KCTD1: variants seen among roughly 807,000 people sequenced by gnomAD.
The protein encoded by KCTD1 is BTB/POZ domain-containing protein KCTD1.
KCTD1 carries 24 observed loss-of-function variants against 66.0 expected under a neutral mutation model. The observed-to-expected ratio is 0.36, with a 90% CI of 0.26 to 0.51. The LOEUF is 0.51. KCTD1 is among the 20% of genes least tolerant of loss of function. KCTD1 has a pLI of 0.95. For synonymous variants in KCTD1, 511 were observed against 517.2 expected (o/e 0.99, Z 0.16); for missense variants, 943 against 1,205.2 (o/e 0.78, Z 3.22).
intron 1 of KCTD1, among the ~76,000 whole-genome samples, chr18:26,570,400 ACTCT>A (rs968039418): frequency 4.0e-5 from 6 of 151,626 alleles, no homozygotes; most frequent in Non-Finnish European, 7.4e-5. Flanking sequence ...TATAATCCTA[ACTCT>A]CTATTACTTT....
chr18:26,608,272 T>C (rs949347243), intron 1 of KCTD1, among the ~76,000 whole-genome samples: 1 of 152,240 alleles, frequency 6.6e-6, no homozygotes, highest in Non-Finnish European at 1.5e-5. Context: ...TTGTCTTACC[T>C]GCTTCACTAA....
chr18:26,564,193 A>T (rs1160025768), intron 1 of KCTD1, among the ~76,000 whole-genome samples: 2 of 152,128 alleles, frequency 1.3e-5, no homozygotes, highest in African/African-American at 4.8e-5. Context: ...TGGGATGCTA[A>T]CTCAGACTGA....
At position 26,501,153 on chromosome 18, in the gene KCTD1, G is replaced by C. The variant is rs201783160; in HGVS notation, c.1907C>G (p.Ser636Cys). 4.7e-5 allele frequency: 76 copies of C among 1,614,210 alleles called. 1 individual carries two copies. The highest frequency in any genetic ancestry group is 3.2e-4 in the African/African-American group (24 of 75,052). The change falls in exon 2 of 5, where the codon TCC becomes TGC. Residue 636 changes from serine to cysteine, a missense_variant. Transcript: ENST00000580059. ...CACATCAATGTGGACAGGCGCATTG[G>C]ATTTTGTGAGTTGTGCTGGAGTAGG... is the stretch of plus-strand genomic sequence containing the variant. ...GIPTPAQLTK[S>C]NAPVHIDVGG...
chr18:26,656,705 A>G (rs112452771), intron 1 of KCTD1, among the ~76,000 whole-genome samples: 1 of 151,342 alleles, frequency 6.6e-6, no homozygotes, highest in Non-Finnish European at 1.5e-5. Flanking sequence ...GCTGCCTGCG[A>G]GAAGGGGGCG....
intron 1 of KCTD1, among the ~76,000 whole-genome samples, chr18:26,575,869 A>G (rs970470480): frequency 6.6e-6 from 1 of 152,250 alleles, no homozygotes; most frequent in African/African-American, 2.4e-5. Context: ...AACAGAGCCA[A>G]GGATGAGGCT....
intron 1 of KCTD1, among the ~76,000 whole-genome samples, chr18:26,514,320 A>G (rs1434430302): frequency 5.3e-5 from 8 of 152,106 alleles, no homozygotes; most frequent in Non-Finnish European, 2.9e-5. Flanking sequence ...TGGGAGGCTG[A>G]AGTAGGAGGG....
At chr18:26,534,096 A>T (rs573858572) in intron 1 of KCTD1, among the ~76,000 whole-genome samples, 1 of 152,260 alleles carries the variant, frequency 6.6e-6, no homozygotes, top group African/African-American at 2.4e-5. Context: ...GAGATGGATA[A>T]TCTTACTGAA....
intron 1 of KCTD1, among the ~76,000 whole-genome samples, chr18:26,600,489 C>T (rs908838938): frequency 1.3e-5 from 2 of 148,904 alleles, no homozygotes; most frequent in African/African-American, 4.9e-5. Flanking sequence ...GTGAAGCTGG[C>T]TGGGGGGGGT....
At chr18:26,545,019 T>G (rs1197248505) in intron 1 of KCTD1, 1 of 152,198 alleles carries the variant, frequency 6.6e-6, no homozygotes, top group Non-Finnish European at 1.5e-5. Context: ...AGATAATGAC[T>G]GAAAGACTGC....
chr18:26,564,300 T>C (rs1985931303), intron 1 of KCTD1, among the ~76,000 whole-genome samples: 1 of 152,158 alleles, frequency 6.6e-6, no homozygotes, highest in African/African-American at 2.4e-5. Flanking sequence ...CAAATTCTGA[T>C]TAACACAATA....
chr18:26,654,960 C>G (rs1321834644), intron 1 of KCTD1, among the ~76,000 whole-genome samples: 4 of 152,158 alleles, frequency 2.6e-5, no homozygotes, highest in African/African-American at 9.7e-5. Flanking sequence ...AATACAAACA[C>G]GAGGAATAAA....
chr18:26,482,646 G>A (rs1981708483), intron 2 of KCTD1, among the ~76,000 whole-genome samples: 1 of 152,168 alleles, frequency 6.6e-6, no homozygotes, highest in Non-Finnish European at 1.5e-5. Context: ...TTCCCATGCT[G>A]CACTGTCTAG....
intron 2 of KCTD1, among the ~76,000 whole-genome samples, chr18:26,494,743 G>T (rs1189739157): frequency 6.6e-6 from 1 of 152,148 alleles, no homozygotes; most frequent in African/African-American, 2.4e-5. Flanking sequence ...TTACCCTGGA[G>T]AAACTTTCCA....
chr18:26,639,557 G>T (rs1987792323), intron 1 of KCTD1, among the ~76,000 whole-genome samples: 1 of 152,188 alleles, frequency 6.6e-6, no homozygotes, highest in African/African-American at 2.4e-5. Context: ...CTAGGGCCCA[G>T]AGTTAAACGT....
At chr18:26,549,899 G>C (rs968352752), upstream of KCTD1, 1 of 733,662 alleles carries the variant, frequency 1.4e-6, no homozygotes. Context: ...GCGCGCCCAG[G>C]CTCCGGGCGC....
intron 1 of KCTD1, among the ~76,000 whole-genome samples, chr18:26,652,347 A>G (rs570482722): frequency 2.6e-5 from 4 of 152,280 alleles, no homozygotes; most frequent in African/African-American, 9.6e-5. Flanking sequence ...CACCAAGAAA[A>G]GTAGCTTATG....
At chr18:26,511,977 A>G (rs1437512533) in intron 1 of KCTD1, among the ~76,000 whole-genome samples, 1 of 152,210 alleles carries the variant, frequency 6.6e-6, no homozygotes, top group Non-Finnish European at 1.5e-5. Flanking sequence ...AGCAGGACAC[A>G]TCGGCCTCTA....
At chr18:26,480,918 T>G (rs1264500378) in intron 2 of KCTD1, among the ~76,000 whole-genome samples, 1 of 152,232 alleles carries the variant, frequency 6.6e-6, no homozygotes, top group East Asian at 1.9e-4. Context: ...CACTGTGCAT[T>G]AAAGAATGGT....
chr18:26,614,820 TC>T (rs1394276620), intron 1 of KCTD1, among the ~76,000 whole-genome samples: 1 of 152,210 alleles, frequency 6.6e-6, no homozygotes, highest in Non-Finnish European at 1.5e-5. Context: ...CTTATCTTGT[TC>T]CCTTAAACAT....
Sources: allele counts gnomAD v4.1 joint callset (sites outside exome capture counted in the v4.1 genomes callset), GRCh38; gene constraint gnomAD v4.1.1; transcripts MANE v1.5; gene names NCBI Gene and HGNC (gene_info 2026-07-23, HGNC 2026-07-21).